Variants in STXBP5L observed in about 807,000 individuals in gnomAD.
STXBP5L encodes syntaxin binding protein 5L.
STXBP5L carries 65 observed loss-of-function variants against 144.5 expected under a neutral mutation model. The ratio of observed to expected loss-of-function variants is 0.45; its 90% CI spans 0.37 to 0.55. STXBP5L has a LOEUF of 0.55. Among genes scored for constraint, STXBP5L ranks in the 20% least tolerant of loss-of-function variants. STXBP5L has a pLI of 0.00. For missense variants in STXBP5L, 1,298 were observed against 1,405.5 expected, an observed-to-expected ratio of 0.92 and a Z score of 1.22; for synonymous variants, 505 against 469.6, an observed-to-expected ratio of 1.08 and a Z score of -0.97.
rs1444135751 is a variant in STXBP5L at position 121,312,367 on chromosome 3, T to C, written c.2111-6108T>C. ...TGGGATCTAAGTAAACTAAAGAGCT[T>C]CTTTTTTTTTTTTTTTTTTTTTTTA... On this transcript the variant is annotated intron_variant, in intron 19 of 26. Coordinates refer to ENST00000471454, the MANE Select transcript of STXBP5L (RefSeq NM_001308330.2). Among the ~76,000 whole-genome samples, 8 of 93,282 alleles carry C rather than the reference T, an allele frequency of 8.6e-5. No homozygotes were observed. In the Admixed American group the frequency reaches 1.1e-3, roughly 12 times the overall value. 61.2% of individuals were successfully genotyped at this position (93,282 alleles called of 152,430 possible).
At chr3:121,408,297 C>G (rs1372400180) in intron 23 of STXBP5L, among the ~76,000 whole-genome samples, 3 of 151,804 alleles carry the variant, frequency 2.0e-5, no homozygotes, top group East Asian at 3.9e-4. Flanking sequence ...AGCTCATAAA[C>G]GTATACTATA....
At position 121,179,302 on chromosome 3, in the gene STXBP5L, TTATAAC is replaced by T. The variant is rs574159355; in HGVS notation, c.877+21678_877+21683del. Among the ~76,000 whole-genome samples the T allele has an allele frequency of 4.5e-3, 688 of 151,228 alleles. 4 individuals carry two copies. Among genetic ancestry groups the T allele is most frequent in the African/African-American group, 0.016 (656 of 41,260 alleles). ...CAGGAAAAGCCAGTGCACAGAGACT[TTATAAC>T]TAAGGAACTGATACAAAGTCTTCAC... is the stretch of plus-strand genomic sequence containing the variant. On this transcript the variant is annotated intron_variant, in intron 9 of 26. Coordinates refer to ENST00000471454, the MANE Select transcript of STXBP5L (RefSeq NM_001308330.2).
chr3:120,938,273 T>C (rs1710371602), intron 2 of STXBP5L, among the ~76,000 whole-genome samples: 1 of 152,160 alleles, frequency 6.6e-6, no homozygotes. Context: ...TTATTTTTTA[T>C]ATATGGTTAA....
intron 21 of STXBP5L, among the ~76,000 whole-genome samples, chr3:121,380,457 T>A (rs749356466): frequency 2.6e-5 from 4 of 152,020 alleles, no homozygotes; most frequent in Non-Finnish European, 5.9e-5. Flanking sequence ...GAAAGAAAAA[T>A]CTGAAGAACT....
At chr3:121,022,100 C>T (rs1256836235) in intron 3 of STXBP5L, among the ~76,000 whole-genome samples, 1 of 151,906 alleles carries the variant, frequency 6.6e-6, no homozygotes, top group Non-Finnish European at 1.5e-5. Flanking sequence ...CAACCAATAC[C>T]ACAGAAATAC....
chr3:121,007,234 G>A (rs944019195), intron 3 of STXBP5L, among the ~76,000 whole-genome samples: 1 of 151,938 alleles, frequency 6.6e-6, no homozygotes, highest in African/African-American at 2.4e-5. Context: ...TCTGTGATAA[G>A]CCCCCTTGAT....
At chr3:121,271,419 T>G (rs2108419760) in intron 18 of STXBP5L, among the ~76,000 whole-genome samples, 1 of 152,322 alleles carries the variant, frequency 6.6e-6, no homozygotes, top group African/African-American at 2.4e-5. Context: ...TGTATATTCT[T>G]TAGTCTACCC....
intron 10 of STXBP5L, among the ~76,000 whole-genome samples, chr3:121,217,277 C>G (rs542769648): frequency 1.3e-5 from 2 of 152,222 alleles, no homozygotes; most frequent in Admixed American, 6.5e-5. Context: ...AATGGCTTCC[C>G]AGTTTTGCAT....
chr3:120,932,945 G>A (rs1454397518), intron 2 of STXBP5L, among the ~76,000 whole-genome samples: 1 of 149,682 alleles, frequency 6.7e-6, no homozygotes, highest in Non-Finnish European at 1.5e-5. Flanking sequence ...ACTATCGCAA[G>A]GACAAAAAAC....
intron 8 of STXBP5L, among the ~76,000 whole-genome samples, chr3:121,156,527 G>T (rs2046118034): frequency 6.6e-6 from 1 of 151,816 alleles, no homozygotes; most frequent in Non-Finnish European, 1.5e-5. Context: ...AATACCAAGG[G>T]TGTGGAAATG....
At chr3:121,292,625 A>T (rs2051485765) in intron 19 of STXBP5L, among the ~76,000 whole-genome samples, 2 of 152,336 alleles carry the variant, frequency 1.3e-5, no homozygotes, top group South Asian at 4.1e-4. Context: ...AATTGCAATA[A>T]TATGGAACCA....
chr3:121,112,426 G>A (rs1046661199), intron 5 of STXBP5L, among the ~76,000 whole-genome samples: 2 of 152,136 alleles, frequency 1.3e-5, no homozygotes, highest in Admixed American at 6.6e-5. Flanking sequence ...CAGGTGGGCC[G>A]TTGCTCCACT....
chr3:121,250,039 C>T (rs929923228), intron 14 of STXBP5L, among the ~76,000 whole-genome samples: 19 of 151,918 alleles, frequency 1.3e-4, no homozygotes, highest in African/African-American at 3.6e-4. Flanking sequence ...CCTAAGAAAA[C>T]CCACTTAGTC....
rs182317524 is a variant in STXBP5L at position 121,361,972 on chromosome 3, A to G, written c.2177-16744A>G. Among the ~76,000 whole-genome samples the G allele has an allele frequency of 1.3e-3, 193 of 152,308 alleles. 1 individual carries two copies. The highest frequency in any genetic ancestry group is 4.2e-3 in the African/African-American group (175 of 41,582). On this transcript the variant is annotated intron_variant, in intron 20 of 26. Transcript: ENST00000471454. ...TCCAGATATTTGAAAGGACTTGGGT[A>G]TTGTGATCTAAGCTGTATCTGCTTT...
At chr3:121,306,291 A>T (rs1407329268) in intron 19 of STXBP5L, among the ~76,000 whole-genome samples, 1 of 152,008 alleles carries the variant, frequency 6.6e-6, no homozygotes, top group Non-Finnish European at 1.5e-5. Context: ...TCCAACTCCA[A>T]GTTGAAGAGA....
Position 121,226,611 on chromosome 3 carries a change from G to A in STXBP5L, c.1111+3454G>A, listed in dbSNP as rs372522602. On this transcript the variant is annotated intron_variant, in intron 11 of 26. Coordinates refer to ENST00000471454, the MANE Select transcript of STXBP5L (RefSeq NM_001308330.2). ...CGAGAGCATCCCTAGTCTGGACTGG[G>A]GAAAGAGGGCTAGGGGACTCCATCA... Among the ~76,000 whole-genome samples the A allele has an allele frequency of 1.7e-4, 26 of 152,242 alleles. 1 individual carries two copies. Among genetic ancestry groups the A allele is most frequent in the South Asian group, 1.7e-3 (8 of 4,830 alleles).
intron 5 of STXBP5L, among the ~76,000 whole-genome samples, chr3:121,110,970 C>G (rs1286862629): frequency 6.6e-6 from 1 of 151,860 alleles, no homozygotes; most frequent in Admixed American, 6.6e-5. Flanking sequence ...ATCTGCCTGT[C>G]TTGTTTCATC....
Position 121,381,528 on chromosome 3 carries a change from A to C in STXBP5L, c.2583A>C (p.Pro861=). 6.3e-7 allele frequency: 1 copy of C among 1,591,328 alleles called. No homozygotes were observed. ...QRFTEPVMVL[P]SGTFLSLKGA... The stretch of plus-strand genomic sequence containing the variant: ...TTACAGAGCCAGTCATGGTATTGCC[A>C]AGTGGTAAGAGTTTGTATTCATTCA... Residue 861 remains proline (P), a synonymous_variant, in exon 22 of 27, where the codon CCA becomes CCC. Transcript: ENST00000471454.
At chr3:121,081,613 T>C (rs1443104997) in intron 5 of STXBP5L, among the ~76,000 whole-genome samples, 2 of 152,216 alleles carry the variant, frequency 1.3e-5, no homozygotes, top group African/African-American at 4.8e-5. Context: ...TCTCATAGTG[T>C]ATACTTTTTT....
Sources: gnomAD v4.1 joint callset for allele counts (sites outside exome capture counted in the v4.1 genomes callset) on GRCh38, gnomAD v4.1.1 for gene constraint, MANE v1.5 for transcripts, NCBI Gene and HGNC (gene_info 2026-07-23, HGNC 2026-07-21) for gene names.